Variants in TANGO6 observed in about 807,000 individuals in gnomAD.
The protein encoded by TANGO6 is transport and golgi organization 6 homolog, also known as transport and Golgi organization protein 6 homolog.
In TANGO6, 90 loss-of-function variants were observed where a neutral mutation model predicts 114.2. That is an observed-to-expected ratio of 0.79 (90% CI 0.66 to 0.94). The LOEUF is 0.94. TANGO6 is among the 40% of genes least tolerant of loss of function. The pLI is 0.00. For missense variants in TANGO6, 1,274 were observed against 1,315.3 expected, an observed-to-expected ratio of 0.97 and a Z score of 0.49; for synonymous variants, 477 against 509.8, an observed-to-expected ratio of 0.94 and a Z score of 0.87.
At chr16:68,954,654 A>G (rs1963508082) in intron 14 of TANGO6, among the ~76,000 whole-genome samples, 1 of 152,322 alleles carries the variant, frequency 6.6e-6, no homozygotes, top group Middle Eastern at 3.4e-3. Flanking sequence ...GTCTCTCCTT[A>G]AGCCTACTTT....
At chr16:68,864,535 C>T (rs555430153) in intron 3 of TANGO6, among the ~76,000 whole-genome samples, 90 of 151,996 alleles carry the variant, frequency 5.9e-4, no homozygotes, top group Admixed American at 9.2e-4. Context: ...GAGCTGTGAT[C>T]GGGCCACTGC....
At chr16:68,975,484 G>C (rs1262538424) in intron 15 of TANGO6, among the ~76,000 whole-genome samples, 2 of 151,508 alleles carry the variant, frequency 1.3e-5, no homozygotes, top group Non-Finnish European at 2.9e-5. Flanking sequence ...GCCTCCCAAA[G>C]TGCTGGGATT....
At chr16:69,019,857 G>T (rs1475689360) in intron 15 of TANGO6, among the ~76,000 whole-genome samples, 1 of 151,938 alleles carries the variant, frequency 6.6e-6, no homozygotes, top group African/African-American at 2.4e-5. Context: ...CTTCTTAAAG[G>T]GTAAAAATAG....
chr16:68,984,378 C>CAGACTA, intron 15 of TANGO6, among the ~76,000 whole-genome samples: 1 of 152,096 alleles, frequency 6.6e-6, no homozygotes, highest in Non-Finnish European at 1.5e-5. Flanking sequence ...GGTTGAAATC[C>CAGACTA]AGACTAAGTA....
intron 11 of TANGO6, among the ~76,000 whole-genome samples, chr16:68,918,517 T>G (rs1963042557): frequency 3.9e-5 from 6 of 152,256 alleles, no homozygotes; most frequent in Admixed American, 3.9e-4. Context: ...TGATCCATTT[T>G]AAGTTAATTT....
At chr16:69,003,121 C>A (rs957828430) in intron 15 of TANGO6, among the ~76,000 whole-genome samples, 1 of 152,028 alleles carries the variant, frequency 6.6e-6, no homozygotes, top group Non-Finnish European at 1.5e-5. Context: ...GGCTTTTAAG[C>A]CCTTTTTTCC....
rs776159320 is a variant in TANGO6 at position 68,875,142 on chromosome 16, C to T, written c.995-12C>T. 5.6e-6 allele frequency: 9 copies of T among 1,609,730 alleles called. No individual in the cohort carries two copies. The highest frequency in any genetic ancestry group is 7.6e-6 in the Non-Finnish European group (9 of 1,176,840). On this transcript the variant is annotated splice_polypyrimidine_tract_variant and intron_variant, in intron 4 of 17. Transcript: ENST00000261778. ...TGCTGTGAGCTGCTAACATCTCTCT[C>T]CATTGTGCCAGCGGGAGCAGCTGGT...
chr16:69,083,499 C>T lies in TANGO6; in HGVS notation c.3123C>T (p.Val1041=). The change falls in exon 18 of 18, where the codon GTC becomes GTT. Residue 1041 remains valine, a synonymous_variant. Coordinates refer to ENST00000261778, the MANE Select transcript of TANGO6 (RefSeq NM_024562.2). ...CTCTCATGCAGGTGCTGAGCGCCGT[C>T]CTCAAGGATCTCTACCACCTGCTGA... ...SQKATEVLSA[V]LKDLYHLLKH... The T allele has an allele frequency of 6.2e-7, 1 of 1,611,430 alleles. No individual in the cohort carries two copies. Among genetic ancestry groups the T allele is most frequent in the Non-Finnish European group, 8.5e-7 (1 of 1,178,758 alleles).
At chr16:68,912,986 A>G (rs1237799344) in intron 11 of TANGO6, among the ~76,000 whole-genome samples, 1 of 150,780 alleles carries the variant, frequency 6.6e-6, no homozygotes, top group East Asian at 2.0e-4. Flanking sequence ...AGGCTGAGGC[A>G]TGAAAAACAC....
intron 14 of TANGO6, 104 bp downstream of exon 14, chr16:68,930,399 C>A: frequency 3.2e-6 from 3 of 930,428 alleles, no homozygotes; most frequent in South Asian, 3.1e-5. Context: ...GACTACTGGT[C>A]ATTTTGTCCG....
chr16:68,900,396 A>C (rs763347431), intron 7 of TANGO6, 38 bp from the exon 8 acceptor site: 1 of 1,568,258 alleles, frequency 6.4e-7, no homozygotes, highest in Non-Finnish European at 8.8e-7. Context: ...CTGGCCAGGC[A>C]GTCATGGGAT....
intron 14 of TANGO6, among the ~76,000 whole-genome samples, chr16:68,951,376 C>T (rs1013257770): frequency 3.3e-5 from 5 of 151,602 alleles, no homozygotes; most frequent in Admixed American, 6.6e-5. Flanking sequence ...AGAAGGGAAG[C>T]AGTTCAGGTT....
intron 16 of TANGO6, among the ~76,000 whole-genome samples, chr16:69,039,108 C>A (rs955903271): frequency 6.6e-6 from 1 of 152,058 alleles, no homozygotes; most frequent in African/African-American, 2.4e-5. Flanking sequence ...TGGCGTGAAC[C>A]CGGGAAGCGG....
intron 17 of TANGO6, among the ~76,000 whole-genome samples, chr16:69,067,830 G>C (rs1380698320): frequency 1.3e-5 from 2 of 151,508 alleles, no homozygotes; most frequent in African/African-American, 2.4e-5. Context: ...CCAGCTACTC[G>C]GGAGGCTGAG....
At chr16:68,975,213 A>G (rs574145650) in intron 15 of TANGO6, among the ~76,000 whole-genome samples, 1 of 152,312 alleles carries the variant, frequency 6.6e-6, no homozygotes, top group South Asian at 2.1e-4. Context: ...AAGAAACTGT[A>G]GCTCAAACAT....
At chr16:68,926,682 C>T (rs1301817230) in intron 12 of TANGO6, among the ~76,000 whole-genome samples, 1 of 151,662 alleles carries the variant, frequency 6.6e-6, no homozygotes, top group African/African-American at 2.4e-5. Flanking sequence ...CACATGCCAC[C>T]ATGCCCAGCT....
rs750559727 is a variant in TANGO6, at chr16:68,927,990, A to G, written c.2550A>G (p.Gln850=). The G allele has an allele frequency of 1.0e-4, 163 of 1,612,994 alleles. No homozygotes were observed. The highest frequency in any genetic ancestry group is 1.3e-4 in the Non-Finnish European group (154 of 1,179,574). ...TTCTTTTGTCAGCTTATGACCCTCA[A>G]ATTCCAACACGGGCTGCTGCCCTGC... ...QEVLLSAYDP[Q]IPTRAAALRT... Residue 850 remains glutamine (Q), a synonymous_variant, in exon 13 of 18, where the codon CAA becomes CAG. Transcript: ENST00000261778.
At chr16:69,064,067 C>T (rs1960178286) in intron 17 of TANGO6, among the ~76,000 whole-genome samples, 1 of 151,958 alleles carries the variant, frequency 6.6e-6, no homozygotes, top group South Asian at 2.1e-4. Flanking sequence ...AAACTCCTGT[C>T]CTCAAATGAT....
chr16:68,970,556 A>T (rs1373819908), intron 14 of TANGO6, among the ~76,000 whole-genome samples: 2 of 151,692 alleles, frequency 1.3e-5, no homozygotes, highest in Non-Finnish European at 1.5e-5. Context: ...AATCCCAGCT[A>T]CTCAGGAGGC....
Sources: gnomAD v4.1 joint callset for allele counts (sites outside exome capture counted in the v4.1 genomes callset) on GRCh38, gnomAD v4.1.1 for gene constraint, MANE v1.5 for transcripts, NCBI Gene and HGNC (gene_info 2026-07-23, HGNC 2026-07-21) for gene names.